HYDIN: variants seen among roughly 807,000 people sequenced by gnomAD.
HYDIN encodes axonemal central pair apparatus protein HYDIN.
In HYDIN, 132 loss-of-function variants were observed where a neutral mutation model predicts 403.9. That is an observed-to-expected ratio of 0.33 (90% CI 0.28 to 0.38). HYDIN has a LOEUF of 0.38. Ranked by LOEUF, HYDIN falls within the 10% of genes least tolerant of loss-of-function variation. HYDIN has a pLI of 1.00. For missense variants in HYDIN, 2,827 were observed against 5,009.5 expected, an observed-to-expected ratio of 0.56 and a Z score of 13.15; for synonymous variants, 1,202 against 1,891.7, an observed-to-expected ratio of 0.64 and a Z score of 9.46.
At chr16:71,139,616 A>G (rs559293115) in intron 7 of HYDIN, among the ~76,000 whole-genome samples, 67 of 152,074 alleles carry the variant, frequency 4.4e-4, no homozygotes, top group African/African-American at 1.6e-3. Context: ...AAAATTCAAA[A>G]TAAATATTTA....
intron 18 of HYDIN, among the ~76,000 whole-genome samples, chr16:71,048,784 G>T (rs1426627588): frequency 6.6e-6 from 1 of 152,206 alleles, no homozygotes; most frequent in African/African-American, 2.4e-5. Flanking sequence ...TATTACCTGG[G>T]TGACAAAATA....
At chr16:70,849,607 G>C in intron 75 of HYDIN, 119 bp downstream of exon 75, 1 of 616,950 alleles carries the variant, frequency 1.6e-6, no homozygotes, top group Admixed American at 2.8e-5. Context: ...GTCCAACACA[G>C]CTACCCTCTA....
intron 1 of HYDIN, among the ~76,000 whole-genome samples, chr16:71,211,151 A>G (rs2088566673): frequency 6.6e-6 from 1 of 152,168 alleles, no homozygotes; most frequent in Non-Finnish European, 1.5e-5. Context: ...AGCAAGTCAT[A>G]AAACCTGTCC....
At chr16:71,086,733 A>G (rs2082940450) in intron 12 of HYDIN, among the ~76,000 whole-genome samples, 1 of 152,204 alleles carries the variant, frequency 6.6e-6, no homozygotes, top group Non-Finnish European at 1.5e-5. Context: ...TCAGCTTCCA[A>G]GAGTTGATCT....
intron 11 of HYDIN, among the ~76,000 whole-genome samples, chr16:71,089,091 A>G (rs1597748939): frequency 6.9e-6 from 1 of 144,758 alleles, no homozygotes; most frequent in South Asian, 2.3e-4. Context: ...TACTGGATGG[A>G]TGATTGTTTT....
chr16:71,167,200 G>GT (rs1219347343), intron 5 of HYDIN, among the ~76,000 whole-genome samples: 11 of 152,226 alleles, frequency 7.2e-5, no homozygotes, highest in Middle Eastern at 3.4e-3. Context: ...ATGCTATCTA[G>GT]ACATGAGGAA....
intron 10 of HYDIN, among the ~76,000 whole-genome samples, chr16:71,096,379 T>C (rs551409065): frequency 1.4e-4 from 21 of 152,374 alleles, no homozygotes; most frequent in Admixed American, 4.6e-4. Context: ...GTAGCACTTA[T>C]TGAATATGTG....
chr16:70,916,986 T>C (rs1625403), intron 47 of HYDIN, among the ~76,000 whole-genome samples: 1 of 152,056 alleles, frequency 6.6e-6, no homozygotes, highest in African/African-American at 2.4e-5. Context: ...TGCAGTGGTG[T>C]CATCTCAACT....
chr16:70,948,035 C>T (rs1442640822), intron 41 of HYDIN, among the ~76,000 whole-genome samples: 1 of 151,958 alleles, frequency 6.6e-6, no homozygotes, highest in Non-Finnish European at 1.5e-5. Flanking sequence ...CTGGAGGCAT[C>T]ATGCTACCTG....
In HYDIN at chr16:70,860,757, C is replaced by T; in HGVS notation, c.11922G>A (p.Gly3974=). ...QRNPELRGSS[G]GALDPNTRVI... is the part of the protein sequence containing the mutation. The stretch of plus-strand genomic sequence containing the variant: ...CCCGGGTGTTTGGATCCAGAGCTCC[C>T]CCACTGGACCCTCGGAGCTCTGGGT... Residue 3974 remains glycine (G), a synonymous_variant, in exon 70 of 86, where the codon GGG becomes GGA. Coordinates refer to ENST00000393567, the MANE Select transcript of HYDIN (RefSeq NM_001270974.2). 1 of 581,812 alleles carries T rather than the reference C, an allele frequency of 1.7e-6. No individual in the cohort carries two copies. The highest frequency in any genetic ancestry group is 2.0e-5 in the South Asian group (1 of 51,252). 36.0% of individuals were successfully genotyped at this position (581,812 alleles called of 1,614,324 possible).
intron 18 of HYDIN, among the ~76,000 whole-genome samples, chr16:71,056,706 A>G (rs1389850938): frequency 6.6e-6 from 1 of 152,280 alleles, no homozygotes; most frequent in African/African-American, 2.4e-5. Flanking sequence ...CACAGCATCC[A>G]ACAAGAAAAG....
At chr16:70,985,083 C>T (rs1166131434) in intron 28 of HYDIN, 102 bp downstream of exon 28, 5 of 960,882 alleles carry the variant, frequency 5.2e-6, no homozygotes, top group Middle Eastern at 3.3e-4. Context: ...TTAGTTTTAA[C>T]AAAAAGAAAA....
intron 5 of HYDIN, among the ~76,000 whole-genome samples, chr16:71,167,563 T>C (rs1044459240): frequency 4.6e-5 from 7 of 151,748 alleles, no homozygotes; most frequent in African/African-American, 1.2e-4. Flanking sequence ...AGGAGGCTAA[T>C]TGAAATACTG....
At chr16:71,198,969 T>C (rs1227382126) in intron 1 of HYDIN, among the ~76,000 whole-genome samples, 1 of 152,240 alleles carries the variant, frequency 6.6e-6, no homozygotes, top group Admixed American at 6.5e-5. Flanking sequence ...AGAGATCTGG[T>C]TGCCATCCAA....
chr16:71,215,949 C>A (rs1400975980), intron 1 of HYDIN, among the ~76,000 whole-genome samples: 2 of 152,102 alleles, frequency 1.3e-5, no homozygotes, highest in Non-Finnish European at 2.9e-5. Context: ...ACTAGATAGG[C>A]AAAATCTGAG....
At chr16:70,949,002 T>C (rs903942516) in intron 41 of HYDIN, among the ~76,000 whole-genome samples, 4 of 149,000 alleles carry the variant, frequency 2.7e-5, no homozygotes, top group East Asian at 2.0e-4. Context: ...TAAAGACACA[T>C]GCACATGTAT....
chr16:70,881,796 G>A (rs2040825626), intron 60 of HYDIN, among the ~76,000 whole-genome samples: 2 of 152,240 alleles, frequency 1.3e-5, no homozygotes, highest in East Asian at 3.8e-4. Context: ...CCTCAACTGT[G>A]AACAATGCCA....
chr16:71,061,876 G>T (rs201545189), intron 17 of HYDIN, among the ~76,000 whole-genome samples: 1 of 55,218 alleles, frequency 1.8e-5, no homozygotes, highest in Non-Finnish European at 5.3e-5. Flanking sequence ...GTGTGTGTGT[G>T]TGTGTGTGTG....
At position 70,874,534 on chromosome 16, in the gene HYDIN, A is replaced by G; in HGVS notation, c.10719T>C (p.Asp3573=). 2 of 588,632 alleles carry G rather than the reference A, an allele frequency of 3.4e-6. No individual in the cohort carries two copies. The highest frequency in any genetic ancestry group is 2.3e-5 in the African/African-American group (1 of 44,414). The allele number at this position is 588,632 out of a possible 1,614,324, so 36.5% of individuals were successfully genotyped here. ...VVSPGDTAEF[D]VVFHSQKVGR... ...CAACCTTCTGGGAGTGGAAAACGAC[A>G]TCAAATTCAGCTGTATCTCCAGGAG... The change falls in exon 64 of 86, where the codon GAT becomes GAC. Residue 3573 remains aspartate, a synonymous_variant. Coordinates refer to ENST00000393567, the MANE Select transcript of HYDIN (RefSeq NM_001270974.2).
Sources: allele counts gnomAD v4.1 joint callset (sites outside exome capture counted in the v4.1 genomes callset), GRCh38; gene constraint gnomAD v4.1.1; transcripts MANE v1.5; gene names NCBI Gene and HGNC (gene_info 2026-07-23, HGNC 2026-07-21).